Variants in CNOT1 observed in about 807,000 individuals in gnomAD.
The protein encoded by CNOT1 is CCR4-NOT transcription complex subunit 1.
In CNOT1, 15 loss-of-function variants were observed where a neutral mutation model predicts 273.8. The observed-to-expected ratio is 0.05, with a 90% CI of 0.04 to 0.08. CNOT1 has a LOEUF of 0.08. CNOT1 is among the 10% of genes least tolerant of loss of function. CNOT1 has a pLI of 1.00. For synonymous variants in CNOT1, 1,022 were observed against 1,005.5 expected (o/e 1.02, Z -0.31); for missense variants, 1,644 against 2,912.2 (o/e 0.56, Z 10.02).
At chr16:58,582,623 C>T (rs1266169195) in intron 10 of CNOT1, among the ~76,000 whole-genome samples, 170 bp downstream of exon 10, 1 of 152,124 alleles carries the variant, frequency 6.6e-6, no homozygotes, top group Admixed American at 6.5e-5. Context: ...AAGGTAACAA[C>T]CCTAATGAAA....
At chr16:58,628,357 T>A (rs535674349) in intron 1 of CNOT1, among the ~76,000 whole-genome samples, 1 of 152,174 alleles carries the variant, frequency 6.6e-6, no homozygotes, top group Non-Finnish European at 1.5e-5. Context: ...GCTAAAATAC[T>A]CTGCTGCCAA....
Position 58,520,923 on chromosome 16 carries a change from C to G in CNOT1, c.*35G>C. 1 of 1,601,526 alleles carries G rather than the reference C, an allele frequency of 6.2e-7. No individual in the cohort carries two copies. Among genetic ancestry groups the G allele is most frequent in the Non-Finnish European group, 8.5e-7 (1 of 1,173,208 alleles). On this transcript the variant is annotated 3_prime_UTR_variant, in exon 49 of 49. Transcript: ENST00000317147. ...TTATGAACTCGGTGCAGTGAGACCT[C>G]TAGACTGACACGTACAACAGAGATG... is the stretch of plus-strand genomic sequence containing the variant.
intron 1 of CNOT1, among the ~76,000 whole-genome samples, chr16:58,628,793 C>CA (rs1233436972): frequency 6.6e-6 from 1 of 152,206 alleles, no homozygotes; most frequent in East Asian, 1.9e-4. Flanking sequence ...TTCAAACGCA[C>CA]AGATGTCAAG....
intron 2 of CNOT1, among the ~76,000 whole-genome samples, chr16:58,596,913 A>C (rs1051603700): frequency 5.0e-5 from 7 of 139,080 alleles, no homozygotes; most frequent in South Asian, 2.2e-4. Context: ...AAAAAAAAAA[A>C]AAAACAAAAG....
rs11860588 is a variant in CNOT1 at position 58,551,829 on chromosome 16, T to A, written c.2971-10A>T. The stretch of plus-strand genomic sequence containing the variant: ...GTCCATACTCAATATACTAAAAGGG[T>A]AGGGAGAGGAAAAAGAGTTAACCTT... On this transcript the variant is annotated splice_polypyrimidine_tract_variant and intron_variant, in intron 22 of 48. Coordinates refer to ENST00000317147, the MANE Select transcript of CNOT1 (RefSeq NM_016284.5). 1,428 of 1,612,778 alleles carry A rather than the reference T, an allele frequency of 8.9e-4. 10 individuals are homozygous for A. In the African/African-American group the frequency reaches 0.016, roughly 18 times the overall value.
At chr16:58,593,528 A>G (rs144431906) in intron 2 of CNOT1, among the ~76,000 whole-genome samples, 6 of 149,688 alleles carry the variant, frequency 4.0e-5, no homozygotes, top group African/African-American at 4.9e-5. Flanking sequence ...CATTGTACTT[A>G]CTCCAACCTG....
chr16:58,612,327 C>T (rs888928575), intron 1 of CNOT1, among the ~76,000 whole-genome samples: 2 of 152,196 alleles, frequency 1.3e-5, no homozygotes, highest in African/African-American at 4.8e-5. Flanking sequence ...AGAATACTTA[C>T]ACCAACTGAT....
chr16:58,621,421 G>A (rs1180452704), intron 1 of CNOT1, among the ~76,000 whole-genome samples: 5 of 151,796 alleles, frequency 3.3e-5, no homozygotes, highest in African/African-American at 4.8e-5. Context: ...TTACAGGCAC[G>A]CGCCACCACG....
Position 58,525,255 on chromosome 16 carries a change from T to G in CNOT1, c.6708A>C (p.Thr2236=). ...AGTGAGTGATGGTGCTCATTGAAGG[T>G]GTGCTGCCCTTGTTGTGGATGTGCG... ...AIAHIHNKGS[T]PSMSTITHSA... The change falls in exon 46 of 49, where the codon ACA becomes ACC. Residue 2236 remains threonine (T), a synonymous_variant. Transcript: ENST00000317147. The G allele has an allele frequency of 6.2e-7, 1 of 1,614,012 alleles. No homozygotes were observed. The highest frequency in any genetic ancestry group is 2.2e-5 in the East Asian group (1 of 44,890).
At chr16:58,589,496 G>A (rs1006390489) in intron 2 of CNOT1, among the ~76,000 whole-genome samples, 15 of 152,062 alleles carry the variant, frequency 9.9e-5, no homozygotes, top group African/African-American at 3.6e-4. Context: ...TGACCAACAA[G>A]AGTGAAACGT....
chr16:58,561,428 A>G (rs2040836878), intron 16 of CNOT1, among the ~76,000 whole-genome samples: 1 of 152,222 alleles, frequency 6.6e-6, no homozygotes, highest in Admixed American at 6.5e-5. Flanking sequence ...ACAGGCATGC[A>G]ATTTTTATAC....
intron 1 of CNOT1, among the ~76,000 whole-genome samples, chr16:58,613,842 A>T (rs978500223): frequency 8.1e-6 from 1 of 122,996 alleles, no homozygotes; most frequent in African/African-American, 2.7e-5. Flanking sequence ...TAATCCCAGC[A>T]CTTTGGGAGG....
Position 58,520,723 on chromosome 16 carries a change from C to G in CNOT1, c.*235G>C, listed in dbSNP as rs1387013793. On this transcript the variant is annotated 3_prime_UTR_variant, in exon 49 of 49. Transcript: ENST00000317147. ...TCTCTTTCATGTATTTACACAAGTT[C>G]AAAATGATATTCACAGCATCTTCTA... 2 of 546,548 alleles carry G rather than the reference C, an allele frequency of 3.7e-6. No homozygotes were observed. Among genetic ancestry groups the G allele is most frequent in the Admixed American group, 3.1e-5 (1 of 32,462 alleles). 33.9% of individuals were successfully genotyped at this position (546,548 alleles called of 1,614,324 possible).
At chr16:58,606,744 C>T (rs1246000946) in intron 1 of CNOT1, among the ~76,000 whole-genome samples, 2 of 151,424 alleles carry the variant, frequency 1.3e-5, no homozygotes, top group East Asian at 3.9e-4. Flanking sequence ...ACGGAGGTTG[C>T]AGTGAGCTGA....
chr16:58,531,847 T>C (rs1479300025), intron 42 of CNOT1, 111 bp downstream of exon 42: 2 of 1,289,350 alleles, frequency 1.6e-6, no homozygotes, highest in East Asian at 4.7e-5. Context: ...CAACTAAGTT[T>C]GGAAGAAGTA....
At chr16:58,588,545 A>G (rs1456712910) in intron 3 of CNOT1, among the ~76,000 whole-genome samples, 3 of 152,130 alleles carry the variant, frequency 2.0e-5, no homozygotes, top group Non-Finnish European at 4.4e-5. Context: ...TCAGGCAGGG[A>G]ACCCTCACAT....
chr16:58,521,675 G>A (rs1050286377), intron 47 of CNOT1, among the ~76,000 whole-genome samples: 7 of 152,178 alleles, frequency 4.6e-5, no homozygotes, highest in African/African-American at 1.2e-4. Flanking sequence ...CTCCCAGGCC[G>A]GGCACAGTGG....
chr16:58,609,190 G>A (rs2042798710), intron 1 of CNOT1, among the ~76,000 whole-genome samples: 1 of 152,054 alleles, frequency 6.6e-6, no homozygotes, highest in Non-Finnish European at 1.5e-5. Context: ...TGACCAACAT[G>A]GTGAAACTCC....
At chr16:58,552,916 T>C (rs2040502190) in intron 22 of CNOT1, among the ~76,000 whole-genome samples, 1 of 152,172 alleles carries the variant, frequency 6.6e-6, no homozygotes, top group Admixed American at 6.5e-5. Context: ...ATAACAATCA[T>C]ACAAAATGGT....
Sources: allele counts gnomAD v4.1 joint callset (sites outside exome capture counted in the v4.1 genomes callset), GRCh38; gene constraint gnomAD v4.1.1; transcripts MANE v1.5; gene names NCBI Gene and HGNC (gene_info 2026-07-23, HGNC 2026-07-21).